Variants in DCAF5 observed in about 807,000 individuals in gnomAD.
DCAF5 encodes DDB1- and CUL4-associated factor 5.
In DCAF5, 9 loss-of-function variants were observed where a neutral mutation model predicts 80.7. The ratio of observed to expected loss-of-function variants is 0.11; its 90% CI spans 0.07 to 0.19. DCAF5 has a LOEUF of 0.19. DCAF5 is among the 10% of genes least tolerant of loss of function. The probability of loss-of-function intolerance (pLI) is 1.00; values close to 1 mark genes in which losing one functional copy is unlikely to be tolerated. For synonymous variants in DCAF5, 433 were observed against 461.9 expected (o/e 0.94, Z 0.80); for missense variants, 842 against 1,205.7 (o/e 0.70, Z 4.47).
At chr14:69,113,168 TTG>T (rs2040428588) in intron 5 of DCAF5, among the ~76,000 whole-genome samples, 1 of 152,074 alleles carries the variant, frequency 6.6e-6, no homozygotes, top group South Asian at 2.1e-4. Context: ...CATTCAAGCA[TTG>T]ACTAATACAT....
chr14:69,099,785 A>AC (rs1189045574), intron 5 of DCAF5, among the ~76,000 whole-genome samples: 1 of 74,796 alleles, frequency 1.3e-5, no homozygotes, highest in Non-Finnish European at 2.9e-5. Context: ...TCTACAAAAA[A>AC]AAAATACAAA....
chr14:69,125,785 T>G (rs2040853225), intron 1 of DCAF5, among the ~76,000 whole-genome samples: 1 of 152,106 alleles, frequency 6.6e-6, no homozygotes, highest in Non-Finnish European at 1.5e-5. Context: ...GAATAAATAT[T>G]GAAAACCTAA....
intron 1 of DCAF5, among the ~76,000 whole-genome samples, chr14:69,142,316 G>A (rs1224052507): frequency 3.3e-5 from 5 of 152,048 alleles, no homozygotes; most frequent in African/African-American, 1.2e-4. Context: ...GGGAAGATCA[G>A]GTAACTAAAG....
At chr14:69,105,914 C>CAAATATATATATAT (rs2040123116) in intron 5 of DCAF5, among the ~76,000 whole-genome samples, 1 of 49,970 alleles carries the variant, frequency 2.0e-5, no homozygotes, top group Non-Finnish European at 5.7e-5. Context: ...AATAAACTGT[C>CAAATATATATATAT]ATATATATAT....
At chr14:69,084,631 A>T in intron 6 of DCAF5, 1 of 957,632 alleles carries the variant, frequency 1.0e-6, no homozygotes, top group Non-Finnish European at 1.6e-6. Context: ...TACTCTTTAC[A>T]TTCCTTAAGA....
chr14:69,119,109 A>G, intron 3 of DCAF5, 85 bp downstream of exon 3: 3 of 1,395,528 alleles, frequency 2.1e-6, no homozygotes, highest in South Asian at 1.4e-5. Context: ...CAAAAAACAA[A>G]AACTATTTTA....
At chr14:69,105,223 A>G (rs1450104972) in intron 5 of DCAF5, among the ~76,000 whole-genome samples, 1 of 152,218 alleles carries the variant, frequency 6.6e-6, no homozygotes, top group Non-Finnish European at 1.5e-5. Context: ...AATAGCCAGA[A>G]GATGGGACAA....
At position 69,054,265 on chromosome 14, in the gene DCAF5, G is replaced by A. The variant is rs377560799; in HGVS notation, c.2421C>T (p.Ser807=). Reference sequence around the variant, plus strand: ...GGGTCCTGGGACAGTTGCCAGACCCGCTGTTGAGAGTGGAGCCAGATGCCT... The same window carrying A: ...GGGTCCTGGGACAGTTGCCAGACCCACTGTTGAGAGTGGAGCCAGATGCCT... ...VPKASGSTLN[S]GSGNCPRTQS... Residue 807 remains serine, a synonymous_variant, in exon 9 of 9, where the codon AGC becomes AGT. Transcript: ENST00000341516. The A allele has an allele frequency of 3.1e-5, 50 of 1,614,246 alleles. No homozygotes were observed. Among genetic ancestry groups the A allele is most frequent in the African/African-American group, 2.0e-4 (15 of 75,070 alleles).
chr14:69,112,118 T>C (rs1230725098), intron 5 of DCAF5, among the ~76,000 whole-genome samples: 2 of 152,212 alleles, frequency 1.3e-5, no homozygotes, highest in Non-Finnish European at 2.9e-5. Flanking sequence ...CAAACTCTAG[T>C]ATATCAGGTA....
intron 1 of DCAF5, among the ~76,000 whole-genome samples, chr14:69,125,797 G>A (rs2040853499): frequency 6.6e-6 from 1 of 152,044 alleles, no homozygotes; most frequent in African/African-American, 2.4e-5. Flanking sequence ...AAAACCTAAT[G>A]GTAATAAAAG....
At chr14:69,075,621 A>G (rs939951821) in intron 6 of DCAF5, among the ~76,000 whole-genome samples, 3 of 152,068 alleles carry the variant, frequency 2.0e-5, no homozygotes, top group Non-Finnish European at 2.9e-5. Context: ...AGCTGGGACT[A>G]CAGGCACACG....
chr14:69,097,369 T>C (rs548454412), intron 5 of DCAF5, among the ~76,000 whole-genome samples: 1 of 152,246 alleles, frequency 6.6e-6, no homozygotes, highest in Admixed American at 6.5e-5. Flanking sequence ...ATAATATGAA[T>C]GCCTCAGAAC....
At chr14:69,109,295 G>A (rs926794344) in intron 5 of DCAF5, among the ~76,000 whole-genome samples, 1 of 149,816 alleles carries the variant, frequency 6.7e-6, no homozygotes, top group Non-Finnish European at 1.5e-5. Flanking sequence ...AGTGAGTTGA[G>A]ATCGCGCCAC....
chr14:69,131,698 C>T (rs1420104117), intron 1 of DCAF5, among the ~76,000 whole-genome samples: 3 of 151,362 alleles, frequency 2.0e-5, no homozygotes, highest in Non-Finnish European at 4.4e-5. Context: ...AGAACAGCAC[C>T]TAGCATTCCA....
chr14:69,118,355 A>C lies in DCAF5; in HGVS notation c.396-77T>G, dbSNP rs2040602906. ...GCAGAGTCCCAGCACTTTGGTACCG[A>C]GGGTGCCATCTTTTCCATTTCTAGA... On this transcript the variant is annotated intron_variant, in intron 3 of 8. Transcript: ENST00000341516. The surrounding 1 kb of genome is among the most constrained non-coding windows in gnomAD (Gnocchi z 4.0). The C allele has an allele frequency of 1.4e-6, 2 of 1,415,736 alleles. No individual in the cohort carries two copies. The highest frequency in any genetic ancestry group is 2.4e-5 in the East Asian group (1 of 42,344). 87.7% of individuals were successfully genotyped at this position (1,415,736 alleles called of 1,614,324 possible).
chr14:69,085,533 T>C, intron 6 of DCAF5: 1 of 261,466 alleles, frequency 3.8e-6, no homozygotes, highest in South Asian at 5.4e-5. Flanking sequence ...CACTGAACAC[T>C]GTTACTTCTA....
intron 1 of DCAF5, among the ~76,000 whole-genome samples, chr14:69,125,273 T>A (rs1444126515): frequency 6.6e-6 from 1 of 152,124 alleles, no homozygotes; most frequent in Non-Finnish European, 1.5e-5. Context: ...TAAGTAAGAA[T>A]AAAGGGAGCC....
intron 6 of DCAF5, 80 bp downstream of exon 6, chr14:69,091,594 T>G: frequency 1.2e-5 from 15 of 1,282,120 alleles, no homozygotes; most frequent in African/African-American, 1.5e-5. Context: ...ATAATGGTAA[T>G]GAGAAATAAA....
chr14:69,074,746 G>C (rs973780175), intron 7 of DCAF5, among the ~76,000 whole-genome samples: 2 of 152,012 alleles, frequency 1.3e-5, no homozygotes, highest in Admixed American at 6.6e-5. Flanking sequence ...AAATATTCCA[G>C]GTGTGGGCTG....
Sources: gnomAD v4.1 joint callset for allele counts (sites outside exome capture counted in the v4.1 genomes callset) on GRCh38, gnomAD v4.1.1 for gene constraint, Gnocchi (gnomAD v3.1) non-coding constraint, MANE v1.5 for transcripts, NCBI Gene and HGNC (gene_info 2026-07-23, HGNC 2026-07-21) for gene names.